The following PAWR variants were observed in gnomAD, a reference collection of about 807,000 sequenced individuals.
PAWR encodes the protein pro-apoptotic WT1 regulator.
Under a neutral mutation model 32.0 loss-of-function variants are expected in PAWR, and 23 were observed. That is an observed-to-expected ratio of 0.72 (90% CI 0.52 to 1.02). The LOEUF (loss-of-function observed/expected upper bound fraction) is 1.02, where lower values mean the gene tolerates loss of function less well. Among genes scored for constraint, PAWR ranks in the 50% least tolerant of loss-of-function variants. The probability of loss-of-function intolerance (pLI) is 0.00; values close to 1 mark genes in which losing one functional copy is unlikely to be tolerated. For synonymous variants in PAWR, 226 were observed against 187.1 expected (o/e 1.21, Z -1.70); for missense variants, 457 against 437.7 (o/e 1.04, Z -0.39).
Position 79,594,369 on chromosome 12 carries a change from A to G in PAWR, c.896T>C (p.Met299Thr), listed in dbSNP as rs149696577. ...AATTTCTTCTTTGAGTTTTCCAATCATTTCCTCTTTATCTTGCATCAGTCT... is the reference window on the plus strand; with the variant it reads ...AATTTCTTCTTTGAGTTTTCCAATCGTTTCCTCTTTATCTTGCATCAGTCT... ...LVRLMQDKEE[M>T]IGKLKEEIDL... is the part of the protein sequence containing the mutation. Residue 299 changes from methionine (M) to threonine (T), a missense_variant, in exon 6 of 7, where the codon ATG becomes ACG. Transcript: ENST00000328827. 3.2e-6 allele frequency: 5 copies of G among 1,560,792 alleles called. No homozygotes were observed. The highest frequency in any genetic ancestry group is 4.4e-6 in the Non-Finnish European group (5 of 1,139,056).
Position 79,593,587 on chromosome 12 carries a change from G to C in PAWR, c.936+742C>G, listed in dbSNP as rs181417299. Among the ~76,000 whole-genome samples the C allele has an allele frequency of 4.3e-4, 65 of 151,520 alleles. No homozygotes were observed. The East Asian group carries it at 0.011, about 26-fold the overall frequency. On this transcript the variant is annotated intron_variant, in intron 6 of 6. Transcript: ENST00000328827. ...ATCAATTTGAATCACTTGAACCCGG[G>C]GGGTGGAGGTTGCAGTGAGCTGAGA...
chr12:79,631,802 A>T (rs1387124459), intron 2 of PAWR, among the ~76,000 whole-genome samples: 1 of 152,172 alleles, frequency 6.6e-6, no homozygotes, highest in Non-Finnish European at 1.5e-5. Context: ...AGTGGAAATG[A>T]AGAGGATCTA....
In PAWR at chr12:79,690,164, G is replaced by A; in HGVS notation, c.81C>T (p.Arg27=). The change falls in exon 2 of 7, where the codon CGC becomes CGT. Residue 27 remains arginine, a synonymous_variant. Transcript: ENST00000328827. ...TDFLEEWKAK[R]EKMRAKQNPP... Reference sequence around the variant, plus strand: ...GGTTCTGCTTGGCGCGCATCTTCTCGCGTTTCGCCTTCCACTCCTCCAGGA... The same window carrying A: ...GGTTCTGCTTGGCGCGCATCTTCTCACGTTTCGCCTTCCACTCCTCCAGGA... The A allele has an allele frequency of 3.3e-6, 5 of 1,528,258 alleles. No individual in the cohort carries two copies. Among genetic ancestry groups the A allele is most frequent in the Non-Finnish European group, 4.4e-6 (5 of 1,140,980 alleles). 94.7% of individuals were successfully genotyped at this position (1,528,258 alleles called of 1,614,324 possible). A position where few individuals can be genotyped will look rare whatever the true frequency, so the allele number is the denominator to read the frequency against.
rs529144714 is a variant in PAWR at position 79,646,138 on chromosome 12, ATCTTAAATGCT to A, written c.517-24942_517-24932del. ...AGCATCCCTAATCCAAAAATCCAAAATCTTAAATGCTTCAATGAGAAGCTCCCAAAGGCAAA... is the reference window on the plus strand; with the variant it reads ...AGCATCCCTAATCCAAAAATCCAAAATCAATGAGAAGCTCCCAAAGGCAAA... On this transcript the variant is annotated intron_variant, in intron 2 of 6. Transcript: ENST00000328827. 2.4e-4 allele frequency among the ~76,000 whole-genome samples: 37 copies of A among 152,340 alleles called. No individual in the cohort carries two copies. In the East Asian group the frequency reaches 6.7e-3, roughly 28 times the overall value.
intron 2 of PAWR, among the ~76,000 whole-genome samples, chr12:79,634,653 T>C (rs538180266): frequency 8.1e-6 from 1 of 123,214 alleles, no homozygotes; most frequent in Non-Finnish European, 1.5e-5. Context: ...CAACCCAGAA[T>C]TTTTAAGAAA....
chr12:79,641,077 T>G (rs372493168), intron 2 of PAWR, among the ~76,000 whole-genome samples: 23 of 152,370 alleles, frequency 1.5e-4, no homozygotes, highest in African/African-American at 5.5e-4. Context: ...TTAGGTTCAT[T>G]TTAACTTTCA....
intron 4 of PAWR, chr12:79,598,063 A>G (rs1207908081): frequency 2.6e-5 from 4 of 152,266 alleles, no homozygotes; most frequent in Non-Finnish European, 5.9e-5. Context: ...TGGCTTCCAG[A>G]GACAAACTGA....
chr12:79,690,124 G>A lies in PAWR; in HGVS notation c.121C>T (p.Pro41Ser), dbSNP rs759113857. Reference sequence around the variant, plus strand: ...GCGTCGCTGCTGCCCCCTCCCGGGGGGGCCGGGCCCGGGGGGTTCTGCTTG... The same window carrying A: ...GCGTCGCTGCTGCCCCCTCCCGGGGAGGCCGGGCCCGGGGGGTTCTGCTTG... ...RAKQNPPGPA[P>S]PGGGSSDAAG... Residue 41 changes from proline to serine, a missense_variant, in exon 2 of 7, where the codon CCC becomes TCC. Physicochemically the swap from Pro to Ser is moderately conservative, Grantham distance 74 (BLOSUM62 -1). Transcript: ENST00000328827. The A allele has an allele frequency of 8.0e-6, 12 of 1,504,426 alleles. No homozygotes were observed. In the South Asian group the frequency reaches 8.5e-5, roughly 11 times the overall value. 93.2% of individuals were successfully genotyped at this position (1,504,426 alleles called of 1,614,324 possible).
chr12:79,633,604 C>T (rs1188811124), intron 2 of PAWR, among the ~76,000 whole-genome samples: 7 of 152,098 alleles, frequency 4.6e-5, no homozygotes, highest in Non-Finnish European at 7.4e-5. Context: ...CAAGCCTCTG[C>T]TGACCAAATG....
At chr12:79,650,925 A>G (rs1441737817) in intron 2 of PAWR, among the ~76,000 whole-genome samples, 1 of 152,152 alleles carries the variant, frequency 6.6e-6, no homozygotes, top group African/African-American at 2.4e-5. Context: ...CAAATGTTCA[A>G]TTTGCAAGTT....
intron 2 of PAWR, among the ~76,000 whole-genome samples, chr12:79,646,578 T>A (rs575433798): frequency 6.6e-6 from 1 of 152,214 alleles, no homozygotes; most frequent in Non-Finnish European, 1.5e-5. Flanking sequence ...ATCTTTATAA[T>A]GGTTCCTGTC....
intron 2 of PAWR, among the ~76,000 whole-genome samples, chr12:79,663,113 T>C (rs1877427159): frequency 6.6e-6 from 1 of 152,194 alleles, no homozygotes; most frequent in East Asian, 1.9e-4. Context: ...ACTTCATTTT[T>C]TGTGTAATGG....
At chr12:79,687,145 T>C (rs1433047189) in intron 2 of PAWR, among the ~76,000 whole-genome samples, 1 of 152,238 alleles carries the variant, frequency 6.6e-6, no homozygotes, top group East Asian at 1.9e-4. Context: ...TAGTAAATTT[T>C]ATCTCATTAA....
chr12:79,623,183 G>C (rs1257947249), intron 2 of PAWR, among the ~76,000 whole-genome samples: 1 of 152,094 alleles, frequency 6.6e-6, no homozygotes, highest in East Asian at 1.9e-4. Context: ...TGGAAACAGA[G>C]TCAGTGAAAG....
intron 2 of PAWR, among the ~76,000 whole-genome samples, chr12:79,672,342 C>T (rs888176164): frequency 2.0e-5 from 3 of 152,184 alleles, no homozygotes; most frequent in African/African-American, 7.2e-5. Context: ...CCAACTTTTG[C>T]TTTAAGTTGA....
chr12:79,674,293 CA>C (rs1341424814), intron 2 of PAWR, among the ~76,000 whole-genome samples: 1 of 151,812 alleles, frequency 6.6e-6, no homozygotes, highest in African/African-American at 2.4e-5. Context: ...AACAAACAAG[CA>C]AAGGAGAAAG....
At chr12:79,598,813 T>G (rs750757925) in intron 4 of PAWR, among the ~76,000 whole-genome samples, 10 of 152,352 alleles carry the variant, frequency 6.6e-5, no homozygotes, top group Non-Finnish European at 1.3e-4. Flanking sequence ...TCTGGCTCAC[T>G]GCAACCTCCG....
chr12:79,662,190 G>T (rs2136825530), intron 2 of PAWR, among the ~76,000 whole-genome samples: 2 of 116,848 alleles, frequency 1.7e-5, no homozygotes, highest in South Asian at 2.9e-4. Flanking sequence ...GCAACATACT[G>T]AGACATCTCT....
At position 79,676,131 on chromosome 12, in the gene PAWR, T is replaced by C. The variant is rs192952304; in HGVS notation, c.516+13598A>G. On this transcript the variant is annotated intron_variant, in intron 2 of 6. Transcript: ENST00000328827. ...TGCTTTGCTTTCCTCACCTGTAAAA[T>C]AGAAATAATAATAATAATAGCAGTG... 8.6e-5 allele frequency among the ~76,000 whole-genome samples: 13 copies of C among 152,004 alleles called. 1 individual carries two copies. Among genetic ancestry groups the C allele is most frequent in the Non-Finnish European group, 1.2e-4 (8 of 67,954 alleles).
Sources: allele counts gnomAD v4.1 joint callset (sites outside exome capture counted in the v4.1 genomes callset), GRCh38; gene constraint gnomAD v4.1.1; transcripts MANE v1.5; gene names NCBI Gene and HGNC (gene_info 2026-07-23, HGNC 2026-07-21).